The following GRIK4 variants were observed in gnomAD, a reference collection of about 807,000 sequenced individuals.
GRIK4 encodes glutamate ionotropic receptor kainate type subunit 4, also known as glutamate receptor ionotropic, kainate 4.
GRIK4 carries 40 observed loss-of-function variants against 104.9 expected under a neutral mutation model. The observed-to-expected ratio is 0.38, with a 90% CI of 0.30 to 0.50. GRIK4 has a LOEUF of 0.50. Among genes scored for constraint, GRIK4 ranks in the 20% least tolerant of loss-of-function variants. The pLI, the probability that GRIK4 is intolerant of heterozygous loss-of-function variation, is 0.93. For synonymous variants in GRIK4, 485 were observed against 524.9 expected, an observed-to-expected ratio of 0.92 and a Z score of 1.04; for missense variants, 1,047 against 1,308.1, an observed-to-expected ratio of 0.80 and a Z score of 3.08.
At chr11:120,781,995 C>G (rs1056644459) in intron 3 of GRIK4, among the ~76,000 whole-genome samples, 5 of 152,170 alleles carry the variant, frequency 3.3e-5, no homozygotes, top group African/African-American at 1.2e-4. Context: ...TGTTCTTCCT[C>G]TCTCTCCTAT....
intron 8 of GRIK4, among the ~76,000 whole-genome samples, chr11:120,848,025 T>C (rs556699994): frequency 2.9e-4 from 44 of 152,292 alleles, no homozygotes; most frequent in African/African-American, 9.9e-4. Context: ...TAGGAATAAG[T>C]ATCTGAAAGG....
intron 5 of GRIK4, among the ~76,000 whole-genome samples, chr11:120,815,872 C>T (rs981225370): frequency 2.6e-5 from 4 of 152,128 alleles, no homozygotes; most frequent in East Asian, 1.9e-4. Context: ...GTTTACATAT[C>T]GGGATTCTGG....
intron 8 of GRIK4, among the ~76,000 whole-genome samples, chr11:120,851,982 G>A (rs986493115): frequency 8.5e-5 from 13 of 152,214 alleles, no homozygotes; most frequent in African/African-American, 3.1e-4. Flanking sequence ...GAGAGGTTTA[G>A]CAACTGATGT....
At chr11:120,925,355 G>C (rs1208139864) in intron 13 of GRIK4, among the ~76,000 whole-genome samples, 1 of 152,186 alleles carries the variant, frequency 6.6e-6, no homozygotes, top group Admixed American at 6.5e-5. Context: ...TGTCGCCTGG[G>C]CTTGCCCAGG....
rs1279027173 is a variant in GRIK4, at chr11:120,905,775, C to T, written c.1476+282C>T. ...TAACACAGATGAGGGAGTTTGGGTTCCATTTTTGGTGCTTTTTGATTGTTC... is the reference window on the plus strand; with the variant it reads ...TAACACAGATGAGGGAGTTTGGGTTTCATTTTTGGTGCTTTTTGATTGTTC... On this transcript the variant is annotated intron_variant, in intron 13 of 20. Coordinates refer to ENST00000527524, the MANE Select transcript of GRIK4 (RefSeq NM_014619.5). This position sits in a 1 kb window ranked among gnomAD's most constrained non-coding sequence, Gnocchi z 5.1. Among the ~76,000 whole-genome samples the T allele has an allele frequency of 6.6e-6, 1 of 152,084 alleles. No homozygotes were observed. The highest frequency in any genetic ancestry group is 1.5e-5 in the Non-Finnish European group (1 of 68,016).
intron 2 of GRIK4, among the ~76,000 whole-genome samples, chr11:120,657,951 C>A (rs1175419458): frequency 6.6e-6 from 1 of 152,254 alleles, no homozygotes; most frequent in African/African-American, 2.4e-5. Flanking sequence ...ATCACCAGCA[C>A]TGGGGAGTCC....
chr11:120,512,760 G>T (rs969269090), intron 1 of GRIK4, among the ~76,000 whole-genome samples: 6 of 152,200 alleles, frequency 3.9e-5, no homozygotes, highest in Non-Finnish European at 7.3e-5. Context: ...GGGACAGGGG[G>T]TTCAAGGCAC....
rs182919684 is a variant in GRIK4 at position 120,794,223 on chromosome 11, G to T, written c.83-8470G>T. 4.0e-4 allele frequency among the ~76,000 whole-genome samples: 60 copies of T among 148,710 alleles called. 1 individual carries two copies. Among genetic ancestry groups the T allele is most frequent in the Non-Finnish European group, 7.2e-4 (49 of 67,750 alleles). On this transcript the variant is annotated intron_variant, in intron 3 of 20. Coordinates refer to ENST00000527524, the MANE Select transcript of GRIK4 (RefSeq NM_014619.5). ...CGGGTGATGGTTACAGGTGAGGGAAGTTGTTAGGGTTGAGAGCCAGGCGAT... is the reference window on the plus strand; with the variant it reads ...CGGGTGATGGTTACAGGTGAGGGAATTTGTTAGGGTTGAGAGCCAGGCGAT...
chr11:120,886,834 T>C (rs1474981811), intron 11 of GRIK4, among the ~76,000 whole-genome samples: 2 of 152,222 alleles, frequency 1.3e-5, no homozygotes, highest in Non-Finnish European at 2.9e-5. Context: ...TCATCTCCTG[T>C]TGATGTCCTG....
chr11:120,553,284 CAG>C (rs1160898118), intron 1 of GRIK4, among the ~76,000 whole-genome samples: 2 of 152,076 alleles, frequency 1.3e-5, no homozygotes, highest in African/African-American at 2.4e-5. Flanking sequence ...TCTGAAGAGA[CAG>C]GGGAACAGGA....
At chr11:120,578,492 A>G (rs948806433) in intron 1 of GRIK4, among the ~76,000 whole-genome samples, 2 of 152,160 alleles carry the variant, frequency 1.3e-5, no homozygotes, top group Non-Finnish European at 2.9e-5. Flanking sequence ...AAATGAGGAT[A>G]CCATTGCAAC....
In GRIK4 at chr11:120,596,976, C is replaced by T. The variant is rs555221715; in HGVS notation, c.-158-56709C>T. 2.0e-5 allele frequency among the ~76,000 whole-genome samples: 3 copies of T among 152,292 alleles called. No individual in the cohort carries two copies. The South Asian group carries it at 6.2e-4, about 32-fold the overall frequency. On this transcript the variant is annotated intron_variant, in intron 1 of 20. Transcript: ENST00000527524. Reference sequence around the variant, plus strand: ...CTGACATCAAGTGATCCATCCGCCTCGGCCTCCCAAAGTGCTGAGATTACA... The same window carrying T: ...CTGACATCAAGTGATCCATCCGCCTTGGCCTCCCAAAGTGCTGAGATTACA...
At chr11:120,862,445 C>T (rs1678626633) in intron 9 of GRIK4, among the ~76,000 whole-genome samples, 1 of 152,178 alleles carries the variant, frequency 6.6e-6, no homozygotes, top group African/African-American at 2.4e-5. Flanking sequence ...GTTGGAAGGG[C>T]CTTTAAGCTG....
intron 3 of GRIK4, among the ~76,000 whole-genome samples, chr11:120,677,631 A>G (rs1192524719): frequency 6.6e-6 from 1 of 152,252 alleles, no homozygotes; most frequent in Non-Finnish European, 1.5e-5. Flanking sequence ...TCAGACATGA[A>G]GGAACTAGAG....
At chr11:120,852,761 G>A (rs1954002923) in intron 8 of GRIK4, among the ~76,000 whole-genome samples, 1 of 152,222 alleles carries the variant, frequency 6.6e-6, no homozygotes, top group South Asian at 2.1e-4. Context: ...AGTGGGCTCA[G>A]GAGGGAAGGA....
intron 1 of GRIK4, among the ~76,000 whole-genome samples, chr11:120,593,320 C>G (rs541484965): frequency 1.3e-5 from 2 of 152,294 alleles, no homozygotes; most frequent in Non-Finnish European, 1.5e-5. Context: ...CTCCTGCCCA[C>G]TTCAATCTGG....
chr11:120,546,245 G>GC (rs1430145113), intron 1 of GRIK4, among the ~76,000 whole-genome samples: 1 of 152,170 alleles, frequency 6.6e-6, no homozygotes, highest in Non-Finnish European at 1.5e-5. Context: ...GAATTGGTTC[G>GC]CCCCCAGTTG....
At chr11:120,726,150 A>C (rs1951024192) in intron 3 of GRIK4, among the ~76,000 whole-genome samples, 1 of 152,202 alleles carries the variant, frequency 6.6e-6, no homozygotes, top group Non-Finnish European at 1.5e-5. Flanking sequence ...TTGGGGACAA[A>C]AGGATGACCA....
At chr11:120,575,354 A>C (rs1948468659) in intron 1 of GRIK4, among the ~76,000 whole-genome samples, 1 of 151,612 alleles carries the variant, frequency 6.6e-6, no homozygotes, top group Admixed American at 6.6e-5. Flanking sequence ...ACCTGATTTA[A>C]TTTTCACACC....
Sources: allele counts gnomAD v4.1 joint callset (sites outside exome capture counted in the v4.1 genomes callset), GRCh38; gene constraint gnomAD v4.1.1; non-coding constraint Gnocchi (gnomAD v3.1); transcripts MANE v1.5; gene names NCBI Gene and HGNC (gene_info 2026-07-23, HGNC 2026-07-21).